The following IL1RAPL2 variants were observed in gnomAD, a reference collection of about 807,000 sequenced individuals.
IL1RAPL2 encodes the protein interleukin 1 receptor accessory protein like 2, also known as X-linked interleukin-1 receptor accessory protein-like 2.
IL1RAPL2 carries 3 observed loss-of-function variants against 44.1 expected under a neutral mutation model. The ratio of observed to expected loss-of-function variants is 0.07; its 90% CI spans 0.03 to 0.18. The LOEUF (loss-of-function observed/expected upper bound fraction) is 0.18. Ranked by LOEUF, IL1RAPL2 falls within the 10% of genes least tolerant of loss-of-function variation. The pLI is 1.00. For synonymous variants in IL1RAPL2, 181 were observed against 178.8 expected, an observed-to-expected ratio of 1.01 and a Z score of -0.10; for missense variants, 391 against 496.4, an observed-to-expected ratio of 0.79 and a Z score of 2.02.
At chrX:105,199,451 C>T (rs781885854) in intron 3 of IL1RAPL2, among the ~76,000 whole-genome samples, 3 of 109,836 alleles carry the variant, frequency 2.7e-5, no homozygotes, top group Non-Finnish European at 5.7e-5. Context: ...CATTAGAAAC[C>T]TAGATTTGGT....
intron 6 of IL1RAPL2, among the ~76,000 whole-genome samples, chrX:105,708,127 C>T (rs946930988): frequency 5.4e-5 from 6 of 111,364 alleles, no homozygotes; most frequent in Admixed American, 3.8e-4. Context: ...TTCATTTTCT[C>T]AACTAGGCAT....
At chrX:105,229,264 T>TGTGCCA (rs1417760863) in intron 3 of IL1RAPL2, among the ~76,000 whole-genome samples, 1 of 112,224 alleles carries the variant, frequency 8.9e-6, no homozygotes, top group Non-Finnish European at 1.9e-5. Context: ...GTGCCAGGGC[T>TGTGCCA]GGATTACACA....
chrX:105,434,154 G>T (rs2035865948), intron 5 of IL1RAPL2, among the ~76,000 whole-genome samples: 1 of 111,902 alleles, frequency 8.9e-6, no homozygotes, highest in South Asian at 3.7e-4. Flanking sequence ...TTAGAGAAAA[G>T]CAAGTTAAGA....
At chrX:105,033,645 C>G (rs2031558908) in intron 2 of IL1RAPL2, among the ~76,000 whole-genome samples, 1 of 111,547 alleles carries the variant, frequency 9.0e-6, no homozygotes, top group African/African-American at 3.3e-5. Context: ...TTCTCTCTGG[C>G]TGCCCTTAAC....
intron 1 of IL1RAPL2, among the ~76,000 whole-genome samples, chrX:104,585,957 C>T (rs897494380): frequency 8.1e-5 from 9 of 110,703 alleles, no homozygotes; most frequent in East Asian, 2.9e-4. Flanking sequence ...TGAGTGTGTA[C>T]GCAGTAATGG....
At chrX:104,985,031 T>C (rs2030533993) in intron 2 of IL1RAPL2, among the ~76,000 whole-genome samples, 1 of 111,961 alleles carries the variant, frequency 8.9e-6, no homozygotes, top group Non-Finnish European at 1.9e-5. Context: ...CCTTCCAGCT[T>C]CAAAATCTGT....
At position 105,380,464 on chromosome X, in the gene IL1RAPL2, C is replaced by T. The variant is rs140989064; in HGVS notation, c.698-103849C>T. Among the ~76,000 whole-genome samples, 17 of 110,307 alleles carry T rather than the reference C, an allele frequency of 1.5e-4. No individual in the cohort carries two copies. The East Asian group carries it at 2.9e-3, about 19-fold the overall frequency. ...ATACCTGATTGAAAGGAGGATATGACGTGTTTTTCTTCTGTGAGAAAGAGA... is the reference window on the plus strand; with the variant it reads ...ATACCTGATTGAAAGGAGGATATGATGTGTTTTTCTTCTGTGAGAAAGAGA... On this transcript the variant is annotated intron_variant, in intron 5 of 10. Coordinates refer to ENST00000372582, the MANE Select transcript of IL1RAPL2 (RefSeq NM_017416.2).
rs750910158 is a variant in IL1RAPL2 at position 105,681,529 on chromosome X, G to A, written c.773-35838G>A. ...TCCTAGCACTTTGGGAGGCCAAGGC[G>A]GGTAGATCACCTGAGGTCAGGGGTT... On this transcript the variant is annotated intron_variant, in intron 6 of 10. Coordinates refer to ENST00000372582, the MANE Select transcript of IL1RAPL2 (RefSeq NM_017416.2). Among the ~76,000 whole-genome samples the A allele has an allele frequency of 1.3e-4, 15 of 112,326 alleles. No individual in the cohort carries two copies. The South Asian group carries it at 5.1e-3, about 39-fold the overall frequency.
chrX:104,660,534 T>A (rs1187262317), intron 2 of IL1RAPL2, among the ~76,000 whole-genome samples: 1 of 104,972 alleles, frequency 9.5e-6, no homozygotes, highest in Non-Finnish European at 1.9e-5. Context: ...AGAGAGGCTG[T>A]TAAAATATAT....
At chrX:105,473,482 A>C (rs959041957) in intron 5 of IL1RAPL2, among the ~76,000 whole-genome samples, 1 of 112,355 alleles carries the variant, frequency 8.9e-6, no homozygotes, top group Non-Finnish European at 1.9e-5. Flanking sequence ...AATGTTTACC[A>C]AACAAATATT....
chrX:104,977,099 G>T (rs1486491453), intron 2 of IL1RAPL2, among the ~76,000 whole-genome samples: 1 of 111,585 alleles, frequency 9.0e-6, no homozygotes, highest in Non-Finnish European at 1.9e-5. Context: ...ATCTGATATT[G>T]TGGGGAAGGG....
chrX:105,037,144 A>G (rs1335433852), intron 2 of IL1RAPL2, among the ~76,000 whole-genome samples: 4 of 111,766 alleles, frequency 3.6e-5, no homozygotes, highest in South Asian at 3.7e-4. Context: ...AGTGTTGTCT[A>G]AGAGGGCTGA....
intron 2 of IL1RAPL2, among the ~76,000 whole-genome samples, chrX:104,682,830 C>T (rs186418377): frequency 8.7e-4 from 97 of 111,801 alleles, no homozygotes; most frequent in Non-Finnish European, 1.5e-3. Context: ...TGTTGCAATT[C>T]TAGTTAAATG....
intron 2 of IL1RAPL2, among the ~76,000 whole-genome samples, chrX:105,028,004 AG>A (rs2031405355): frequency 8.9e-6 from 1 of 112,152 alleles, no homozygotes; most frequent in South Asian, 3.7e-4. Flanking sequence ...GCCATCAAAA[AG>A]AATGAGATCC....
chrX:104,964,307 T>G (rs868778704), intron 2 of IL1RAPL2, among the ~76,000 whole-genome samples: 4 of 107,561 alleles, frequency 3.7e-5, no homozygotes, highest in African/African-American at 1.3e-4. Context: ...TTTATTTATT[T>G]ATTTATTTAT....
chrX:105,073,365 G>C (rs1305376396), intron 2 of IL1RAPL2, among the ~76,000 whole-genome samples: 2 of 106,983 alleles, frequency 1.9e-5, no homozygotes, highest in African/African-American at 6.9e-5. Flanking sequence ...CCCTACAAAG[G>C]ACATGAACTC....
At chrX:105,422,590 A>G (rs978737750) in intron 5 of IL1RAPL2, among the ~76,000 whole-genome samples, 1 of 112,265 alleles carries the variant, frequency 8.9e-6, no homozygotes, top group Non-Finnish European at 1.9e-5. Context: ...AGAAACAAAT[A>G]TATTCTAAAT....
At chrX:105,199,900 A>G (rs1219294913) in intron 3 of IL1RAPL2, among the ~76,000 whole-genome samples, 1 of 111,720 alleles carries the variant, frequency 9.0e-6, no homozygotes, top group Non-Finnish European at 1.9e-5. Context: ...GCTTTTATCA[A>G]CTCAGAGATA....
At chrX:104,690,970 C>T (rs1931082274) in intron 2 of IL1RAPL2, among the ~76,000 whole-genome samples, 1 of 111,447 alleles carries the variant, frequency 9.0e-6, no homozygotes, top group Non-Finnish European at 1.9e-5. Flanking sequence ...CAATAAATGG[C>T]CCCTGGTCAT....
Sources: allele counts gnomAD v4.1 joint callset (sites outside exome capture counted in the v4.1 genomes callset), GRCh38; gene constraint gnomAD v4.1.1; transcripts MANE v1.5; gene names NCBI Gene and HGNC (gene_info 2026-07-23, HGNC 2026-07-21).